Variants in GOLM2 observed in about 807,000 individuals in gnomAD.
GOLM2 encodes golgi membrane protein 2, also known as protein GOLM2.
A neutral mutation model predicts 55.9 loss-of-function variants in GOLM2; 26 were observed. The observed-to-expected ratio is 0.47, with a 90% CI of 0.34 to 0.65. The LOEUF is 0.65. GOLM2 is among the 30% of genes least tolerant of loss of function. The probability of loss-of-function intolerance (pLI) is 0.01; values close to 1 mark genes in which losing one functional copy is unlikely to be tolerated. For missense variants in GOLM2, 486 were observed against 531.8 expected (o/e 0.91, Z 0.85); for synonymous variants, 165 against 194.6 (o/e 0.85, Z 1.27).
At chr15:44,357,942 A>T in intron 6 of GOLM2, among the ~76,000 whole-genome samples, 1 of 152,228 alleles carries the variant, frequency 6.6e-6, no homozygotes, top group East Asian at 1.9e-4. Flanking sequence ...CATGGATAGG[A>T]AGACTCAGTA....
At chr15:44,410,151 AAGAT>A (rs1442916115) in intron 9 of GOLM2, among the ~76,000 whole-genome samples, 2 of 151,876 alleles carry the variant, frequency 1.3e-5, no homozygotes, top group Non-Finnish European at 2.9e-5. Context: ...TTTAAAAACA[AAGAT>A]AGGCTGGGCG....
intron 6 of GOLM2, among the ~76,000 whole-genome samples, chr15:44,357,677 G>A (rs998901929): frequency 2.0e-5 from 3 of 152,102 alleles, no homozygotes; most frequent in African/African-American, 7.2e-5. Flanking sequence ...AACGCTCCTG[G>A]AACTAGTAAG....
chr15:44,310,017 G>A (rs1439341817), intron 1 of GOLM2, among the ~76,000 whole-genome samples: 4 of 152,068 alleles, frequency 2.6e-5, no homozygotes, highest in Non-Finnish European at 2.9e-5. Context: ...CTGAGTAGCT[G>A]GAACTACAGG....
At chr15:44,337,304 A>T (rs2079064115) in intron 4 of GOLM2, among the ~76,000 whole-genome samples, 1 of 151,972 alleles carries the variant, frequency 6.6e-6, no homozygotes, top group Middle Eastern at 3.2e-3. Context: ...ACTTAGGAAG[A>T]AGATTGCCTG....
Position 44,337,782 on chromosome 15 carries a change from A to T in GOLM2, c.596A>T (p.Gln199Leu), listed in dbSNP as rs775982261. 1 of 1,582,512 alleles carries T rather than the reference A, an allele frequency of 6.3e-7. No individual in the cohort carries two copies. The highest frequency in any genetic ancestry group is 1.2e-5 in the South Asian group (1 of 84,472). Residue 199 changes from glutamine to leucine, a missense_variant, in exon 5 of 10, where the codon CAA (glutamine) becomes CTA (leucine). Gln to Leu is a moderately radical substitution (Grantham distance 113). Transcript: ENST00000299957. ...EEQKQETQKI[Q>L]SNDGKELDIN... is the part of the protein sequence containing the mutation. Reference sequence around the variant, plus strand: ...TAACAGCAAGAGACCCAAAAGATTCAATCAAATGATGGAAAGGAATTGGAT... The same window carrying T: ...TAACAGCAAGAGACCCAAAAGATTCTATCAAATGATGGAAAGGAATTGGAT...
intron 6 of GOLM2, among the ~76,000 whole-genome samples, chr15:44,367,958 T>C (rs1267209570): frequency 6.6e-6 from 1 of 152,120 alleles, no homozygotes; most frequent in Admixed American, 6.6e-5. Context: ...TATGCCTTAG[T>C]ATGGGGTTTT....
At chr15:44,355,781 C>T (rs2079194138) in intron 6 of GOLM2, 1 of 154,892 alleles carries the variant, frequency 6.5e-6, no homozygotes, top group Non-Finnish European at 1.4e-5. Context: ...ACTCCGTCCC[C>T]CACCACACCA....
chr15:44,353,186 A>G (rs182504818), intron 6 of GOLM2, among the ~76,000 whole-genome samples: 96 of 152,340 alleles, frequency 6.3e-4, no homozygotes, highest in African/African-American at 2.2e-3. Flanking sequence ...CTATAATGAG[A>G]TATGACTTTA....
chr15:44,358,653 T>TA (rs771018969), intron 6 of GOLM2, among the ~76,000 whole-genome samples: 7 of 152,088 alleles, frequency 4.6e-5, no homozygotes, highest in South Asian at 2.1e-4. Context: ...ACTAGATTTT[T>TA]AAAAAATGAA....
At chr15:44,333,033 C>T (rs892340577) in intron 4 of GOLM2, among the ~76,000 whole-genome samples, 5 of 152,194 alleles carry the variant, frequency 3.3e-5, no homozygotes, top group East Asian at 1.9e-4. Flanking sequence ...CCTGGGTTCA[C>T]GCCATTCTCC....
Position 44,381,483 on chromosome 15 carries a change from A to G in GOLM2, c.1072+507A>G, listed in dbSNP as rs575932992. Among the ~76,000 whole-genome samples the G allele has an allele frequency of 2.2e-4, 34 of 152,334 alleles. No individual in the cohort carries two copies. The South Asian group carries it at 7.0e-3, about 32-fold the overall frequency. On this transcript the variant is annotated intron_variant, in intron 8 of 9. Coordinates refer to ENST00000299957, the MANE Select transcript of GOLM2 (RefSeq NM_138423.4). ...AAGTATAAGAAAAAATTCTAGTAGTAGAATTTGAGGCAGGAGAGTGTCCCT... is the reference window on the plus strand; with the variant it reads ...AAGTATAAGAAAAAATTCTAGTAGTGGAATTTGAGGCAGGAGAGTGTCCCT...
chr15:44,369,116 T>TATAC (rs2079310976), intron 6 of GOLM2, among the ~76,000 whole-genome samples: 6 of 95,776 alleles, frequency 6.3e-5, no homozygotes, highest in East Asian at 3.2e-4. Flanking sequence ...TATATATATA[T>TATAC]ACCCGGCTAC....
intron 6 of GOLM2, among the ~76,000 whole-genome samples, chr15:44,378,431 C>T (rs2079379534): frequency 1.3e-5 from 2 of 150,070 alleles, no homozygotes; most frequent in South Asian, 2.1e-4. Flanking sequence ...GATCTCAGCT[C>T]ACTGCAACCT....
intron 6 of GOLM2, among the ~76,000 whole-genome samples, chr15:44,371,914 G>A (rs1349655074): frequency 2.0e-5 from 3 of 152,114 alleles, no homozygotes; most frequent in African/African-American, 7.2e-5. Context: ...ACTCCAGTAT[G>A]TATTAATCAC....
intron 1 of GOLM2, among the ~76,000 whole-genome samples, chr15:44,299,959 G>T (rs1416489638): frequency 2.0e-5 from 3 of 149,290 alleles, no homozygotes; most frequent in Non-Finnish European, 4.4e-5. Flanking sequence ...AAAAAGCTGG[G>T]CATGGTGACA....
At chr15:44,295,943 CACACAG>C (rs952861952) in intron 1 of GOLM2, among the ~76,000 whole-genome samples, 1 of 151,392 alleles carries the variant, frequency 6.6e-6, no homozygotes, top group African/African-American at 2.4e-5. Flanking sequence ...CACACACACA[CACACAG>C]ACACCCTTTT....
chr15:44,393,184 A>C lies in GOLM2; in HGVS notation c.1073-9703A>C, dbSNP rs749355728. 2.2e-3 allele frequency among the ~76,000 whole-genome samples: 335 copies of C among 152,336 alleles called. 1 individual carries two copies. The highest frequency in any genetic ancestry group is 2.4e-3 in the Non-Finnish European group (160 of 68,028). On this transcript the variant is annotated intron_variant, in intron 8 of 9. Coordinates refer to ENST00000299957, the MANE Select transcript of GOLM2 (RefSeq NM_138423.4). ...GTATTTAGCAAAGTTATTACATGCA[A>C]GATTTATATACAAATTATATTTCTG... is the stretch of plus-strand genomic sequence containing the variant.
intron 6 of GOLM2, among the ~76,000 whole-genome samples, chr15:44,361,858 C>T (rs1158386565): frequency 6.6e-6 from 1 of 152,118 alleles, no homozygotes; most frequent in Non-Finnish European, 1.5e-5. Flanking sequence ...ATCAAGTGGG[C>T]TTCATCCCTG....
chr15:44,402,264 AT>A (rs995315375), intron 8 of GOLM2, among the ~76,000 whole-genome samples: 132 of 146,528 alleles, frequency 9.0e-4, no homozygotes, highest in East Asian at 3.8e-3. Flanking sequence ...ATTACTTGGG[AT>A]TTTTTTTTTT....
Sources: allele counts gnomAD v4.1 joint callset (sites outside exome capture counted in the v4.1 genomes callset), GRCh38; gene constraint gnomAD v4.1.1; transcripts MANE v1.5; gene names NCBI Gene and HGNC (gene_info 2026-07-23, HGNC 2026-07-21).